Variants in KAZN observed in about 807,000 individuals in gnomAD.
The protein encoded by KAZN is kazrin.
A neutral mutation model predicts 87.4 loss-of-function variants in KAZN; 40 were observed. That is an observed-to-expected ratio of 0.46 (90% CI 0.36 to 0.60). The LOEUF (loss-of-function observed/expected upper bound fraction) is 0.60, where lower values mean the gene tolerates loss of function less well. Ranked by LOEUF, KAZN falls within the 20% of genes least tolerant of loss-of-function variation. KAZN has a pLI of 0.00. For synonymous variants in KAZN, 466 were observed against 458.3 expected (o/e 1.02, Z -0.22); for missense variants, 898 against 1,073.9 (o/e 0.84, Z 2.29).
chr1:14,896,452 C>A (rs116721897), intron 1 of KAZN, among the ~76,000 whole-genome samples: 3 of 152,196 alleles, frequency 2.0e-5, no homozygotes, highest in African/African-American at 7.2e-5. Context: ...TTTGCTCTTT[C>A]ACCCTTCAGG....
intron 1 of KAZN, among the ~76,000 whole-genome samples, chr1:14,670,547 C>T (rs371055182): frequency 2.6e-5 from 4 of 152,130 alleles, no homozygotes; most frequent in Non-Finnish European, 2.9e-5. Flanking sequence ...GTGAAAGCCC[C>T]GGATACCATG....
intron 1 of KAZN, among the ~76,000 whole-genome samples, chr1:14,010,399 CG>C (rs1640240161): frequency 6.6e-6 from 1 of 152,084 alleles, no homozygotes. Flanking sequence ...GAAACTGTAA[CG>C]TATCATTTTA....
chr1:14,056,122 G>A (rs988363238), intron 1 of KAZN, among the ~76,000 whole-genome samples: 10 of 152,216 alleles, frequency 6.6e-5, no homozygotes, highest in Non-Finnish European at 2.9e-5. Flanking sequence ...GCTTCATGGA[G>A]CCTCAGCTTT....
At chr1:14,032,002 A>G (rs1313647161) in intron 1 of KAZN, among the ~76,000 whole-genome samples, 1 of 152,198 alleles carries the variant, frequency 6.6e-6, no homozygotes, top group Non-Finnish European at 1.5e-5. Context: ...CTTGAATGTT[A>G]CGTCTGGATG....
At chr1:14,964,641 G>A (rs1557666909) in intron 2 of KAZN, among the ~76,000 whole-genome samples, 1 of 152,178 alleles carries the variant, frequency 6.6e-6, no homozygotes, top group African/African-American at 2.4e-5. Context: ...GAGGAGAGGG[G>A]GAATAAACGC....
At chr1:14,144,332 A>T (rs1645301454) in intron 1 of KAZN, among the ~76,000 whole-genome samples, 1 of 152,184 alleles carries the variant, frequency 6.6e-6, no homozygotes, top group African/African-American at 2.4e-5. Flanking sequence ...TTGGTGGACC[A>T]CATCTTCCAG....
intron 1 of KAZN, among the ~76,000 whole-genome samples, chr1:14,612,048 A>G (rs1557836158): frequency 6.6e-6 from 1 of 152,204 alleles, no homozygotes; most frequent in Non-Finnish European, 1.5e-5. Flanking sequence ...TTGGACATGT[A>G]TTAATCGTTC....
intron 1 of KAZN, among the ~76,000 whole-genome samples, chr1:14,730,073 C>A (rs192476064): frequency 1.3e-5 from 2 of 151,970 alleles, no homozygotes; most frequent in African/African-American, 4.8e-5. Flanking sequence ...TTTGCTGGTC[C>A]CTCTCATAAA....
At chr1:14,661,680 G>A (rs1368707682) in intron 1 of KAZN, among the ~76,000 whole-genome samples, 1 of 138,022 alleles carries the variant, frequency 7.2e-6, no homozygotes, top group African/African-American at 2.6e-5. Context: ...CGGGAGGGAG[G>A]GGAGGGAGGG....
In KAZN at chr1:14,635,220, C is replaced by T. The variant is rs534538098; in HGVS notation, c.226+35997C>T. 4.3e-4 allele frequency among the ~76,000 whole-genome samples: 65 copies of T among 152,314 alleles called. 2 individuals carry two copies. Among genetic ancestry groups the T allele is most frequent in the Non-Finnish European group, 1.6e-4 (11 of 68,020 alleles). On this transcript the variant is annotated intron_variant, in intron 1 of 14. Coordinates refer to ENST00000376030, the MANE Select transcript of KAZN (RefSeq NM_201628.3). ...CACAGTTCTGAAATGCGGACATCCA[C>T]GCTGCTGTGCCCTAGCACTGGGCGT...
At chr1:13,931,625 TAAGAG>T (rs879476153) in intron 1 of KAZN, among the ~76,000 whole-genome samples, 3 of 151,984 alleles carry the variant, frequency 2.0e-5, no homozygotes, top group Non-Finnish European at 2.9e-5. Context: ...TCCAGACTAA[TAAGAG>T]AAGATAAAAC....
At chr1:14,579,590 A>G (rs951378590) in intron 2 of KAZN, among the ~76,000 whole-genome samples, 14 of 152,002 alleles carry the variant, frequency 9.2e-5, no homozygotes, top group Non-Finnish European at 1.8e-4. Context: ...GCACCACTGC[A>G]CTGCAGCCTG....
At chr1:14,420,865 G>A (rs756876823) in intron 2 of KAZN, among the ~76,000 whole-genome samples, 16 of 132,796 alleles carry the variant, frequency 1.2e-4, no homozygotes, top group Non-Finnish European at 8.8e-5. Flanking sequence ...GCACAGCCCC[G>A]GTTGCCGCCC....
At chr1:14,118,205 CA>C (rs1557489462) in intron 1 of KAZN, among the ~76,000 whole-genome samples, 1 of 152,146 alleles carries the variant, frequency 6.6e-6, no homozygotes, top group Non-Finnish European at 1.5e-5. Context: ...TCTTACCTAC[CA>C]GGTTCTGGAT....
intron 2 of KAZN, among the ~76,000 whole-genome samples, chr1:14,277,465 AC>A (rs1652460216): frequency 1.3e-5 from 2 of 152,084 alleles, no homozygotes; most frequent in South Asian, 4.2e-4. Context: ...AGAGATTGAG[AC>A]CATCCTGGCC....
intron 2 of KAZN, chr1:14,391,456 T>C (rs763168788): frequency 6.6e-6 from 1 of 152,376 alleles, no homozygotes; most frequent in Non-Finnish European, 1.5e-5. Context: ...CAAGGTAACT[T>C]ACTCCGGGGA....
chr1:14,422,550 A>G (rs147338616), intron 2 of KAZN, among the ~76,000 whole-genome samples: 26 of 152,336 alleles, frequency 1.7e-4, no homozygotes, highest in Non-Finnish European at 3.4e-4. Flanking sequence ...TTGCACTTAG[A>G]ATGGAAGGAA....
intron 2 of KAZN, among the ~76,000 whole-genome samples, chr1:14,323,134 T>A (rs902120509): frequency 1.3e-5 from 2 of 151,434 alleles, no homozygotes; most frequent in African/African-American, 2.4e-5. Flanking sequence ...AGTCTCTCCC[T>A]TGACACACAG....
In KAZN at chr1:14,237,382, A is replaced by G. The variant is rs909218176; in HGVS notation, c.249+56790A>G. 5.3e-5 allele frequency among the ~76,000 whole-genome samples: 8 copies of G among 152,262 alleles called. 1 individual carries two copies. The highest frequency in any genetic ancestry group is 1.7e-4 in the African/African-American group (7 of 41,554). ...CTGAGTACCAATTGCTTAGGAAACA[A>G]ATTGCAAAGAGATCAGACCTTGGCT... On this transcript the variant is annotated intron_variant, in intron 2 of 16. Coordinates refer to the KAZN transcript ENST00000636203.
Sources: gnomAD v4.1 joint callset for allele counts (sites outside exome capture counted in the v4.1 genomes callset) on GRCh38, gnomAD v4.1.1 for gene constraint, MANE v1.5 for transcripts, NCBI Gene and HGNC (gene_info 2026-07-23, HGNC 2026-07-21) for gene names.